The following WNK2 variants were observed in gnomAD, a reference collection of about 807,000 sequenced individuals.
The protein encoded by WNK2 is WNK lysine deficient protein kinase 2.
A neutral mutation model predicts 192.1 loss-of-function variants in WNK2; 67 were observed. The ratio of observed to expected loss-of-function variants is 0.35; its 90% CI spans 0.29 to 0.43. The LOEUF is 0.43. WNK2 is among the 20% of genes least tolerant of loss of function. The pLI is 1.00. For missense variants in WNK2, 2,698 were observed against 3,089.7 expected (o/e 0.87, Z 3.01); for synonymous variants, 1,439 against 1,393.9 (o/e 1.03, Z -0.72).
intron 28 of WNK2, among the ~76,000 whole-genome samples, chr9:93,312,479 A>G (rs971733155): frequency 3.3e-5 from 5 of 151,974 alleles, no homozygotes; most frequent in African/African-American, 1.2e-4. Flanking sequence ...GGTTCAAGCA[A>G]TTCTCCTGCC....
intron 7 of WNK2, among the ~76,000 whole-genome samples, chr9:93,243,261 C>T (rs145946586): frequency 0.023 from 3,462 of 152,306 alleles, 66 homozygotes; most frequent in Non-Finnish European, 0.034. Context: ...GACTGCGACT[C>T]CTCCCTGCTT....
chr9:93,242,961 G>T (rs1841032705), intron 7 of WNK2, among the ~76,000 whole-genome samples: 1 of 152,218 alleles, frequency 6.6e-6, no homozygotes, highest in African/African-American at 2.4e-5. Context: ...TGCTTGGTCA[G>T]TGCTGGGGGG....
intron 28 of WNK2, among the ~76,000 whole-genome samples, chr9:93,310,165 C>A (rs1292703227): frequency 6.6e-6 from 1 of 152,194 alleles, no homozygotes; most frequent in Non-Finnish European, 1.5e-5. Context: ...GACTTCTGTT[C>A]TGAATGACTG....
At chr9:93,317,935 G>T (rs745881772) in intron 29 of WNK2, 6 of 1,605,096 alleles carry the variant, frequency 3.7e-6, no homozygotes, top group Non-Finnish European at 5.1e-6. Flanking sequence ...CCCCCCCACC[G>T]CCTGCTGTGG....
chr9:93,232,003 A>C (rs1470033997), intron 4 of WNK2, among the ~76,000 whole-genome samples: 1 of 152,224 alleles, frequency 6.6e-6, no homozygotes, highest in Non-Finnish European at 1.5e-5. Context: ...CAACATGTGC[A>C]GGGCAAGCAG....
rs1588546173 is a variant in WNK2, at chr9:93,299,059, C to T, written c.5924-11C>T. The T allele has an allele frequency of 6.2e-7, 1 of 1,607,232 alleles. No individual in the cohort carries two copies. The highest frequency in any genetic ancestry group is 1.7e-5 in the Admixed American group (1 of 59,754). ...CTCATCGTGCCTGTCGCCTCTTCTC[C>T]CCCCGCCCAGGTCACTTGGCTGACT... On this transcript the variant is annotated splice_polypyrimidine_tract_variant and intron_variant, in intron 24 of 29. Coordinates refer to ENST00000427277, the MANE Select transcript of WNK2 (RefSeq NM_006648.4).
intron 2 of WNK2, among the ~76,000 whole-genome samples, chr9:93,186,980 G>C (rs1468013532): frequency 6.6e-6 from 1 of 152,150 alleles, no homozygotes; most frequent in Non-Finnish European, 1.5e-5. Context: ...CCTGGGGTGT[G>C]CTGGGCATTC....
rs1030185998 is a variant in WNK2, at chr9:93,280,478, A to G, written c.4034-8310A>G. On this transcript the variant is annotated intron_variant, in intron 19 of 29. Transcript: ENST00000427277. ...TTTAAAAAGTAAATGTGCAGATACC[A>G]TGTGATCCACCCATTTTACTTCTGT... is the stretch of plus-strand genomic sequence containing the variant. Among the ~76,000 whole-genome samples the G allele has an allele frequency of 9.2e-5, 14 of 152,356 alleles. No individual in the cohort carries two copies. The East Asian group carries it at 2.3e-3, about 25-fold the overall frequency.
Position 93,268,732 on chromosome 9 carries a change from C to T in WNK2, c.4019C>T (p.Pro1340Leu). The change falls in exon 19 of 30, where the codon CCA becomes CTA. Residue 1340 changes from proline (P) to leucine (L), a missense_variant. Physicochemically the swap from Pro to Leu is moderately conservative, Grantham distance 98. This residue lies in a region of WNK2 where 1,098 missense variants were observed against 1,101.0 expected (regional missense o/e 1.00). Coordinates refer to ENST00000427277, the MANE Select transcript of WNK2 (RefSeq NM_006648.4). ...CCACTTCCTCTAAGCTCCCTGCCGCCAGAAGCCAGCCAAGGTATGAGCAGC... is the reference window on the plus strand; with the variant it reads ...CCACTTCCTCTAAGCTCCCTGCCGCTAGAAGCCAGCCAAGGTATGAGCAGC... Reference protein sequence around the residue: ...SPPLPLSSLPPEASQDSAPYK... With the variant: ...SPPLPLSSLPLEASQDSAPYK... 3 of 1,612,758 alleles carry T rather than the reference C, an allele frequency of 1.9e-6. No individual in the cohort carries two copies. The South Asian group carries it at 3.3e-5, about 18-fold the overall frequency.
At chr9:93,281,235 A>G (rs1345401979) in intron 19 of WNK2, among the ~76,000 whole-genome samples, 2 of 152,186 alleles carry the variant, frequency 1.3e-5, no homozygotes, top group Non-Finnish European at 2.9e-5. Flanking sequence ...AGCTATTAAG[A>G]TCCAAACAGC....
Position 93,263,726 on chromosome 9 carries a change from A to G in WNK2, c.3571A>G (p.Ile1191Val). 13 of 1,484,170 alleles carry G rather than the reference A, an allele frequency of 8.8e-6. No homozygotes were observed. Among genetic ancestry groups the G allele is most frequent in the Non-Finnish European group, 1.2e-5 (13 of 1,117,748 alleles). The allele number at this position is 1,484,170 out of a possible 1,614,324, so 91.9% of individuals were successfully genotyped here. Residue 1191 changes from isoleucine to valine, a missense_variant, in exon 15 of 30, where the codon ATC (isoleucine) becomes GTC (valine). Around this residue, in one of 7 missense-constraint regions of WNK2, gnomAD observed 893 missense variants for 909.0 expected, o/e 0.98. Coordinates refer to ENST00000427277, the MANE Select transcript of WNK2 (RefSeq NM_006648.4). ...QERASRPRLT[I>V]LNVCNTGDKM... ...GAGGGCCAGCCGGCCCCGGCTTACC[A>G]TCTTGAACGTGAGTGGGCGGGGCGT...
At chr9:93,222,465 T>A (rs1188610012) in intron 2 of WNK2, among the ~76,000 whole-genome samples, 1 of 152,176 alleles carries the variant, frequency 6.6e-6, no homozygotes, top group African/African-American at 2.4e-5. Flanking sequence ...GAAGACTGAA[T>A]GTGGGAAGAG....
At chr9:93,317,235 A>G (rs1854857147) in intron 28 of WNK2, 3 of 546,244 alleles carry the variant, frequency 5.5e-6, no homozygotes, top group Admixed American at 3.2e-5. Context: ...CTCAGGGTCC[A>G]GGCCCCACTA....
intron 29 of WNK2, chr9:93,318,214 CTTTA>C (rs1299541967): frequency 2.0e-6 from 3 of 1,479,642 alleles, no homozygotes; most frequent in African/African-American, 1.4e-5. Context: ...CATTGATAAT[CTTTA>C]TTTACTGTTT....
chr9:93,272,690 A>G (rs574286236), intron 19 of WNK2, among the ~76,000 whole-genome samples: 42 of 140,106 alleles, frequency 3.0e-4, no homozygotes, highest in Non-Finnish European at 4.9e-4. Flanking sequence ...GTAAGCCGAG[A>G]TCGCGCCATT....
In WNK2 at chr9:93,231,006, A is replaced by T; in HGVS notation, c.973A>T (p.Lys325Ter). 1 of 1,613,884 alleles carries T rather than the reference A, an allele frequency of 6.2e-7. No homozygotes were observed. Among genetic ancestry groups the T allele is most frequent in the Non-Finnish European group, 8.5e-7 (1 of 1,179,886 alleles). ...RTPPIIHRDL[K>*]CDNIFITGPT... ...GCCACCCATCATCCACCGAGACCTG[A>T]AATGTGACAATATTTTCATCACCGG... is the stretch of plus-strand genomic sequence containing the variant. Residue 325 changes from lysine to a stop codon, truncating the protein, a stop_gained, in exon 4 of 30, where the codon AAA becomes TAA. Transcript: ENST00000427277. LOFTEE classifies it high-confidence loss of function.
Position 93,297,934 on chromosome 9 carries a change from GC to G in WNK2, c.5796del (p.Asn1933ThrfsTer22). ...ALYRRLGKPLPPNVGFFHTAP... is the reference protein window; with the variant it reads ...ALYRRLGKPLXPNVGFFHTAP... ...TGTACCGCCGCCTGGGCAAGCCACT[GC>G]CCCCCAACGTGGGCTTCTTCCACAC... On this transcript the variant is annotated frameshift_variant, in exon 24 of 30. Transcript: ENST00000427277. LOFTEE classifies it high-confidence loss of function. 2 of 1,589,386 alleles carry G rather than the reference GC, an allele frequency of 1.3e-6. No individual in the cohort carries two copies. The highest frequency in any genetic ancestry group is 1.7e-6 in the Non-Finnish European group (2 of 1,169,144).
chr9:93,243,652 A>G (rs115717115), intron 7 of WNK2, among the ~76,000 whole-genome samples: 7,669 of 151,602 alleles, frequency 0.051, 639 homozygotes, highest in African/African-American at 0.18. Context: ...GAAGCAACAT[A>G]CTCCTACCTT....
rs185600578 is a variant in WNK2 at position 93,300,736 on chromosome 9, C to T, written c.6214+587C>T. Reference sequence around the variant, plus strand: ...AGCACCCAGTACCCTGCACACCCACCGCCCTGTGCCCTGCATGTGGAAATG... The same window carrying T: ...AGCACCCAGTACCCTGCACACCCACTGCCCTGTGCCCTGCATGTGGAAATG... On this transcript the variant is annotated intron_variant, in intron 26 of 29. Transcript: ENST00000427277. Among the ~76,000 whole-genome samples, 198 of 152,268 alleles carry T rather than the reference C, an allele frequency of 1.3e-3. 1 individual carries two copies. Among genetic ancestry groups the T allele is most frequent in the African/African-American group, 4.6e-3 (191 of 41,552 alleles).
Sources: allele counts gnomAD v4.1 joint callset (sites outside exome capture counted in the v4.1 genomes callset), GRCh38; gene constraint gnomAD v4.1.1; regional missense constraint gnomAD v4.1.1; transcripts MANE v1.5; gene names NCBI Gene and HGNC (gene_info 2026-07-23, HGNC 2026-07-21).